Variants in ZNF229 observed in about 807,000 individuals in gnomAD.
The protein encoded by ZNF229 is zinc finger protein 229.
Under a neutral mutation model 11.8 loss-of-function variants are expected in ZNF229, and 10 were observed. The ratio of observed to expected loss-of-function variants is 0.85; its 90% CI spans 0.52 to 1.44. The LOEUF (loss-of-function observed/expected upper bound fraction) is 1.44, where lower values mean the gene tolerates loss of function less well. Among genes scored for constraint, ZNF229 ranks in the 40% most tolerant of loss-of-function variants. The probability of loss-of-function intolerance (pLI) is 0.00; values close to 1 mark genes in which losing one functional copy is unlikely to be tolerated. For missense variants in ZNF229, 1,045 were observed against 1,015.1 expected (o/e 1.03, Z -0.40); for synonymous variants, 368 against 374.8 (o/e 0.98, Z 0.21).
rs1473222739 is a variant in ZNF229, at chr19:44,430,437, T to A, written c.344A>T (p.Glu115Val). The A allele has an allele frequency of 3.5e-5, 56 of 1,614,158 alleles. No individual in the cohort carries two copies. The highest frequency in any genetic ancestry group is 4.7e-5 in the Non-Finnish European group (56 of 1,180,040). Residue 115 changes from glutamate (E) to valine (V), a missense_variant, in exon 6 of 6, where the codon GAA becomes GTA. By Grantham distance (121) the Glu-to-Val change is moderately radical (BLOSUM62 -2). Transcript: ENST00000614049. ...SCKIWEEVAG[E>V]LPGSQDCRVN... ...TCTACAGTCTTGGCTCCCAGGTAAT[T>A]CACCTGCCACCTCTTCCCAGATTTT...
At chr19:44,435,654 T>C (rs542065253) in intron 4 of ZNF229, among the ~76,000 whole-genome samples, 2 of 152,310 alleles carry the variant, frequency 1.3e-5, no homozygotes, top group African/African-American at 2.4e-5. Flanking sequence ...GTAGAAACCA[T>C]ATTGTTTGCA....
At chr19:44,442,441 T>C in intron 4 of ZNF229, 122 bp downstream of exon 4, 1 of 948,156 alleles carries the variant, frequency 1.1e-6, no homozygotes, top group Non-Finnish European at 1.6e-6. Flanking sequence ...TGTGGATAAA[T>C]GCAACGAGAA....
chr19:44,439,475 ACT>A (rs1971870380), intron 4 of ZNF229, among the ~76,000 whole-genome samples: 1 of 152,016 alleles, frequency 6.6e-6, no homozygotes. Context: ...ATGGAGTCTC[ACT>A]CTGTCGCCCA....
At chr19:44,447,022 G>A (rs938445993) in intron 2 of ZNF229, among the ~76,000 whole-genome samples, 1 of 152,160 alleles carries the variant, frequency 6.6e-6, no homozygotes, top group African/African-American at 2.4e-5. Context: ...CTGTTTAGAA[G>A]GTCTCCTGGC....
chr19:44,431,944 C>A, intron 5 of ZNF229: 1 of 623,586 alleles, frequency 1.6e-6, no homozygotes. Flanking sequence ...AACAGATGCC[C>A]AGAGAGCTCT....
rs1971648563 is a variant in ZNF229, at chr19:44,429,081, G to C, written c.1700C>G (p.Thr567Arg). ...ACTGCATTTATAGGGTTTCTCTCCT[G>C]TGTGGACCCTCTGATGGATGTGGAG... ...SDLHIHQRVHTGEKPYKCSEC... is the reference protein window; with the variant it reads ...SDLHIHQRVHRGEKPYKCSEC... Residue 567 changes from threonine to arginine, a missense_variant, in exon 6 of 6, where the codon ACA (threonine) becomes AGA (arginine). Transcript: ENST00000614049. The C allele has an allele frequency of 1.2e-6, 2 of 1,613,606 alleles. No individual in the cohort carries two copies. The highest frequency in any genetic ancestry group is 2.7e-5 in the African/African-American group (2 of 74,694).
In ZNF229 at chr19:44,428,439, G is replaced by A. The variant is rs185969631; in HGVS notation, c.2342C>T (p.Ser781Phe). The A allele has an allele frequency of 3.9e-4, 629 of 1,614,088 alleles. 3 individuals are homozygous for A. Among genetic ancestry groups the A allele is most frequent in the Middle Eastern group, 3.8e-3 (23 of 6,060 alleles). Residue 781 changes from serine to phenylalanine, a missense_variant, in exon 6 of 6, where the codon TCC becomes TTC. Physicochemically the swap from Ser to Phe is radical, Grantham distance 155. Coordinates refer to ENST00000614049, the MANE Select transcript of ZNF229 (RefSeq NM_014518.4). ...GACTCTCTGATGAACATGAAGACAG[G>A]AGTTGCGGCCAAAGCCCTTCCCACA... is the stretch of plus-strand genomic sequence containing the variant. ...EECGKGFGRN[S>F]CLHVHQRVHT...
rs1972022623 is a variant in ZNF229 at position 44,447,523 on chromosome 19, A to G, written c.-188T>C. On this transcript the variant is annotated 5_prime_UTR_variant, in exon 2 of 6. Coordinates refer to ENST00000614049, the MANE Select transcript of ZNF229 (RefSeq NM_014518.4). ...CCAAAGTTCACTCACCTGGAGCTCT[A>G]GTGTCAAGAGATGTGGGGTTATTTC... The G allele has an allele frequency of 6.6e-6, 1 of 152,222 alleles. No individual in the cohort carries two copies. Among genetic ancestry groups the G allele is most frequent in the South Asian group, 2.1e-4 (1 of 4,834 alleles). The allele number at this position is 152,222 out of a possible 1,614,324, so 9.4% of individuals were successfully genotyped here.
In ZNF229 at chr19:44,428,225, T is replaced by C; in HGVS notation, c.*78A>G. On this transcript the variant is annotated 3_prime_UTR_variant, in exon 6 of 6. Transcript: ENST00000614049. ...TCCTATAGCCCTCCTACATGTCACTTTCCTATGGTTTTTCTCCTGTGTTGG... is the reference window on the plus strand; with the variant it reads ...TCCTATAGCCCTCCTACATGTCACTCTCCTATGGTTTTTCTCCTGTGTTGG... The C allele has an allele frequency of 6.8e-7, 1 of 1,477,852 alleles. No individual in the cohort carries two copies. The highest frequency in any genetic ancestry group is 2.2e-5 in the Admixed American group (1 of 45,242). 91.5% of individuals were successfully genotyped at this position (1,477,852 alleles called of 1,614,324 possible). A position where few individuals can be genotyped will look rare whatever the true frequency, so the allele number is the denominator to read the frequency against.
chr19:44,442,782 T>TGGCCCCCCCCCCCC, intron 3 of ZNF229, 32 bp downstream of exon 3: 1 of 1,545,182 alleles, frequency 6.5e-7, no homozygotes, highest in Non-Finnish European at 8.9e-7. Flanking sequence ...GTTTGGATTC[T>TGGCCCCCCCCCCCC]CCCCCCACCC....
intron 4 of ZNF229, among the ~76,000 whole-genome samples, chr19:44,432,646 C>G (rs62116266): frequency 0.1 from 15,314 of 151,092 alleles, 800 homozygotes; most frequent in Middle Eastern, 0.15. Context: ...ACAATGAGAA[C>G]ACATGGACAC....
At position 44,429,820 on chromosome 19, in the gene ZNF229, C is replaced by T. The variant is rs1322196707; in HGVS notation, c.961G>A (p.Val321Ile). Residue 321 changes from valine (V) to isoleucine (I), a missense_variant, in exon 6 of 6, where the codon GTT becomes ATT. Coordinates refer to ENST00000614049, the MANE Select transcript of ZNF229 (RefSeq NM_014518.4). ...HQRVPTGEKS[V>I]KSLERGRGVR... Reference sequence around the variant, plus strand: ...CCCCGACCACGCTCAAGACTCTTAACAGATTTCTCTCCTGTGGGAACTCTT... The same window carrying T: ...CCCCGACCACGCTCAAGACTCTTAATAGATTTCTCTCCTGTGGGAACTCTT... 2 of 1,613,966 alleles carry T rather than the reference C, an allele frequency of 1.2e-6. No homozygotes were observed. Among genetic ancestry groups the T allele is most frequent in the Non-Finnish European group, 1.7e-6 (2 of 1,179,988 alleles).
At chr19:44,430,756 T>C (rs1399855474) in intron 5 of ZNF229, among the ~76,000 whole-genome samples, 1 of 152,158 alleles carries the variant, frequency 6.6e-6, no homozygotes, top group Non-Finnish European at 1.5e-5. Context: ...AAACTATGTC[T>C]CATCATAGAA....
rs775828594 is a variant in ZNF229 at position 44,430,292 on chromosome 19, A to C, written c.489T>G (p.Asp163Glu). ...IENFLDSLQG[D>E]GLIGLENQQF... ...GTTGATTTTCTAGACCGATAAGCCC[A>C]TCCCCTTGTAGACTGTCCAGGAAAT... The change falls in exon 6 of 6, where the codon GAT (aspartate) becomes GAG (glutamate). Residue 163 changes from aspartate to glutamate, a missense_variant. Transcript: ENST00000614049. The C allele has an allele frequency of 6.2e-7, 1 of 1,614,008 alleles. No individual in the cohort carries two copies. Among genetic ancestry groups the C allele is most frequent in the Non-Finnish European group, 8.5e-7 (1 of 1,180,048 alleles).
chr19:44,444,090 C>T (rs377270461), intron 2 of ZNF229, among the ~76,000 whole-genome samples: 6 of 152,140 alleles, frequency 3.9e-5, no homozygotes, highest in Middle Eastern at 3.2e-3. Context: ...CTCTGGCACA[C>T]GGGAAGCACT....
In ZNF229 at chr19:44,443,525, G is replaced by GT. The variant is rs556761223; in HGVS notation, c.-177-502dup. Among the ~76,000 whole-genome samples the GT allele has an allele frequency of 2.0e-4, 30 of 152,172 alleles. No homozygotes were observed. In the South Asian group the frequency reaches 6.0e-3, roughly 30 times the overall value. On this transcript the variant is annotated intron_variant, in intron 2 of 5. Coordinates refer to ENST00000614049, the MANE Select transcript of ZNF229 (RefSeq NM_014518.4). The stretch of plus-strand genomic sequence containing the variant: ...CCTAAAGATCCCTACTGAGAATAAA[G>GT]TTTTAAATGCATAAAATGAAATGCA...
chr19:44,429,666 G>C lies in ZNF229; in HGVS notation c.1115C>G (p.Thr372Arg). 1 of 1,614,118 alleles carries C rather than the reference G, an allele frequency of 6.2e-7. No homozygotes were observed. Among genetic ancestry groups the C allele is most frequent in the Non-Finnish European group, 8.5e-7 (1 of 1,180,024 alleles). ...SVLLIHQGVH[T>R]GRRPYKCEEC... is the part of the protein sequence containing the mutation. ...CTCACATTTATAGGGTCTCCTTCCT[G>C]TGTGCACCCCTTGATGAATAAGAAG... Residue 372 changes from threonine to arginine, a missense_variant, in exon 6 of 6, where the codon ACA (threonine) becomes AGA (arginine). Transcript: ENST00000614049.
intron 4 of ZNF229, among the ~76,000 whole-genome samples, chr19:44,438,445 T>C (rs12978167): frequency 0.28 from 42,652 of 152,148 alleles, 7,329 homozygotes; most frequent in South Asian, 0.48. Context: ...TTCTCAAATA[T>C]TGTGGCAATA....
In ZNF229 at chr19:44,429,430, G is replaced by A. The variant is rs1202352851; in HGVS notation, c.1351C>T (p.His451Tyr). ...TTTTCTCCAGGGTGAATGTGCTGGTGTTTGTGCAGTGCAGACTTGGCACAG... is the reference window on the plus strand; with the variant it reads ...TTTTCTCCAGGGTGAATGTGCTGGTATTTGTGCAGTGCAGACTTGGCACAG... ...GFCAKSALHK[H>Y]QHIHPGEKPY... Residue 451 changes from histidine to tyrosine, a missense_variant, in exon 6 of 6, where the codon CAC becomes TAC. By Grantham distance (83) the His-to-Tyr change is moderately conservative (BLOSUM62 2). Coordinates refer to ENST00000614049, the MANE Select transcript of ZNF229 (RefSeq NM_014518.4). The A allele has an allele frequency of 1.2e-6, 2 of 1,614,032 alleles. No homozygotes were observed. The highest frequency in any genetic ancestry group is 4.5e-5 in the East Asian group (2 of 44,868).
Sources: allele counts gnomAD v4.1 joint callset (sites outside exome capture counted in the v4.1 genomes callset), GRCh38; gene constraint gnomAD v4.1.1; transcripts MANE v1.5; gene names NCBI Gene and HGNC (gene_info 2026-07-23, HGNC 2026-07-21).